Variants in RPA1 observed in about 807,000 individuals in gnomAD.
The protein encoded by RPA1 is replication protein A 70 kDa DNA-binding subunit.
Under a neutral mutation model 83.0 loss-of-function variants are expected in RPA1, and 49 were observed. The ratio of observed to expected loss-of-function variants is 0.59; its 90% CI spans 0.47 to 0.75. RPA1 has a LOEUF of 0.75. Among genes scored for constraint, RPA1 ranks in the 30% least tolerant of loss-of-function variants. The pLI, the probability that RPA1 is intolerant of heterozygous loss-of-function variation, is 0.00. For synonymous variants in RPA1, 279 were observed against 281.8 expected (o/e 0.99, Z 0.10); for missense variants, 693 against 776.1 (o/e 0.89, Z 1.27).
intron 6 of RPA1, among the ~76,000 whole-genome samples, chr17:1,873,720 G>T (rs1482807883): frequency 6.6e-6 from 1 of 151,958 alleles, no homozygotes; most frequent in East Asian, 1.9e-4. Flanking sequence ...CAGGCTTGGT[G>T]GCTCACGCTT....
intron 5 of RPA1, among the ~76,000 whole-genome samples, chr17:1,858,797 A>T (rs977565622): frequency 2.0e-5 from 3 of 151,968 alleles, no homozygotes; most frequent in African/African-American, 7.2e-5. Flanking sequence ...CTTGTTCTTG[A>T]TATCTAATTT....
chr17:1,834,571 T>C (rs1396200490), intron 1 of RPA1, among the ~76,000 whole-genome samples: 1 of 152,184 alleles, frequency 6.6e-6, no homozygotes, highest in Non-Finnish European at 1.5e-5. Flanking sequence ...GTGAAGGCGT[T>C]TGGGCAAGAG....
At chr17:1,881,290 G>C (rs1913786890) in intron 12 of RPA1, among the ~76,000 whole-genome samples, 1 of 152,116 alleles carries the variant, frequency 6.6e-6, no homozygotes, top group African/African-American at 2.4e-5. Context: ...GAATTGATGT[G>C]GTCAGGGAAA....
intron 13 of RPA1, among the ~76,000 whole-genome samples, chr17:1,886,344 G>T (rs1468942216): frequency 1.3e-5 from 2 of 152,182 alleles, no homozygotes; most frequent in Non-Finnish European, 2.9e-5. Flanking sequence ...GTTCTTATGA[G>T]CCCTAAGATT....
chr17:1,888,120 A>G (rs987227389), intron 13 of RPA1, among the ~76,000 whole-genome samples: 24 of 152,206 alleles, frequency 1.6e-4, no homozygotes, highest in Non-Finnish European at 3.1e-4. Context: ...CTGTGACCAA[A>G]TGGCTGCTAA....
intron 6 of RPA1, among the ~76,000 whole-genome samples, chr17:1,874,316 C>T (rs967422964): frequency 1.3e-5 from 2 of 152,006 alleles, no homozygotes; most frequent in Non-Finnish European, 2.9e-5. Context: ...ACCAGCCAAA[C>T]ATAGTGAGAC....
At chr17:1,852,992 A>G in intron 4 of RPA1, 109 bp from the exon 5 acceptor site, 1 of 817,510 alleles carries the variant, frequency 1.2e-6, no homozygotes, top group Non-Finnish European at 2.1e-6. Context: ...AACAGATGAC[A>G]AATGGAAAAT....
intron 5 of RPA1, among the ~76,000 whole-genome samples, chr17:1,860,379 G>A (rs181426300): frequency 6.6e-6 from 1 of 152,144 alleles, no homozygotes; most frequent in Admixed American, 6.5e-5. Context: ...TCAAACTCCT[G>A]GCCTCAATCC....
intron 5 of RPA1, among the ~76,000 whole-genome samples, chr17:1,863,073 G>T (rs1597439548): frequency 6.6e-6 from 1 of 151,982 alleles, no homozygotes; most frequent in East Asian, 1.9e-4. Context: ...ATCCAGGCTG[G>T]AGTGCAGTGG....
intron 13 of RPA1, among the ~76,000 whole-genome samples, chr17:1,885,930 T>C (rs748169446): frequency 1.1e-4 from 16 of 152,122 alleles, no homozygotes; most frequent in Non-Finnish European, 1.8e-4. Flanking sequence ...ATGAAAACAA[T>C]ATTAATCTCC....
At chr17:1,851,590 A>G (rs1034035821) in intron 4 of RPA1, among the ~76,000 whole-genome samples, 2 of 152,112 alleles carry the variant, frequency 1.3e-5, no homozygotes, top group African/African-American at 4.8e-5. Flanking sequence ...TATTTTATTT[A>G]GGATTTATGG....
chr17:1,872,297 C>T, intron 5 of RPA1, 137 bp from the exon 6 acceptor site: 1 of 1,327,034 alleles, frequency 7.5e-7, no homozygotes. Flanking sequence ...TGGAATGCCT[C>T]AGCACGAATT....
At chr17:1,844,442 A>G in intron 3 of RPA1, 136 bp from the exon 4 acceptor site, 1 of 617,356 alleles carries the variant, frequency 1.6e-6, no homozygotes. Flanking sequence ...ACAGTTTTTC[A>G]CTCTGCAGAG....
intron 5 of RPA1, among the ~76,000 whole-genome samples, chr17:1,865,215 A>G (rs992406132): frequency 3.3e-5 from 5 of 152,218 alleles, no homozygotes; most frequent in Middle Eastern, 3.2e-3. Flanking sequence ...AGGTCACACA[A>G]TGGGTTGCTA....
intron 4 of RPA1, among the ~76,000 whole-genome samples, chr17:1,851,201 T>C (rs996856539): frequency 6.6e-6 from 1 of 152,216 alleles, no homozygotes; most frequent in African/African-American, 2.4e-5. Context: ...CACTATCCCA[T>C]TTCACACCTA....
chr17:1,846,145 C>G (rs934867642), intron 4 of RPA1, among the ~76,000 whole-genome samples: 1 of 151,906 alleles, frequency 6.6e-6, no homozygotes, highest in Non-Finnish European at 1.5e-5. Flanking sequence ...GCCGTCTTCC[C>G]CATTATCAGC....
chr17:1,875,577 A>C (rs1480497046), intron 6 of RPA1, 84 bp from the exon 7 acceptor site: 6 of 1,474,652 alleles, frequency 4.1e-6, no homozygotes, highest in African/African-American at 1.4e-5. Flanking sequence ...GGCACCTCCA[A>C]AATTTAGAGT....
chr17:1,848,336 G>A (rs1912340383), intron 4 of RPA1, among the ~76,000 whole-genome samples: 1 of 151,998 alleles, frequency 6.6e-6, no homozygotes, highest in South Asian at 2.1e-4. Flanking sequence ...TATCAGCCAG[G>A]CACGGTGGCT....
rs200332435 is a variant in RPA1, at chr17:1,880,519, A to G, written c.1093-24A>G. On this transcript the variant is annotated intron_variant, in intron 11 of 16. Coordinates refer to ENST00000254719, the MANE Select transcript of RPA1 (RefSeq NM_002945.5). ...TGTTCTTCCTGCTAGTGACACTTGT[A>G]TATGTCTGGTGTTTCTTTTACAGGC... The G allele has an allele frequency of 3.1e-6, 5 of 1,609,080 alleles. No homozygotes were observed. The South Asian group carries it at 3.3e-5, about 11-fold the overall frequency.
Sources: gnomAD v4.1 joint callset for allele counts (sites outside exome capture counted in the v4.1 genomes callset) on GRCh38, gnomAD v4.1.1 for gene constraint, MANE v1.5 for transcripts, NCBI Gene and HGNC (gene_info 2026-07-23, HGNC 2026-07-21) for gene names.